The following ARHGEF17 variants were observed in gnomAD, a reference collection of about 807,000 sequenced individuals.
ARHGEF17 encodes the protein Rho guanine nucleotide exchange factor 17, also known as 164 kDa Rho-specific guanine-nucleotide exchange factor.
ARHGEF17 carries 80 observed loss-of-function variants against 174.0 expected under a neutral mutation model. The observed-to-expected ratio is 0.46, with a 90% confidence interval of 0.38 to 0.55. ARHGEF17 has a LOEUF of 0.55. ARHGEF17 is among the 20% of genes least tolerant of loss of function. The probability of loss-of-function intolerance (pLI) is 0.00; values close to 1 mark genes in which losing one functional copy is unlikely to be tolerated. For missense variants in ARHGEF17, 2,886 were observed against 2,839.7 expected (o/e 1.02, Z -0.37); for synonymous variants, 1,311 against 1,189.1 (o/e 1.10, Z -2.11).
rs755045520 is a variant in ARHGEF17, at chr11:73,310,892, G to A, written c.2254G>A (p.Gly752Arg). ...GGCTGCCACCTCTGAAGAGCCTACT[G>A]GGTTCTCTGTGGACAGCAACCTCCT... The part of the protein sequence containing the change: ...HRAATSEEPT[G>R]FSVDSNLLGS... The change falls in exon 1 of 21, where the codon GGG becomes AGG. Residue 752 changes from glycine (G) to arginine (R), a missense_variant. This residue lies in a region of ARHGEF17 where 1,728 missense variants were observed against 1,461.2 expected (regional missense o/e 1.18). Transcript: ENST00000263674. The A allele has an allele frequency of 6.2e-7, 1 of 1,613,284 alleles. No homozygotes were observed.
At position 73,365,761 on chromosome 11, in the gene ARHGEF17, G is replaced by A. The variant is rs1361560252; in HGVS notation, c.5809G>A (p.Gly1937Ser). The A allele has an allele frequency of 6.2e-7, 1 of 1,613,688 alleles. No individual in the cohort carries two copies. Among genetic ancestry groups the A allele is most frequent in the East Asian group, 2.2e-5 (1 of 44,894 alleles). The change falls in exon 20 of 21, where the codon GGC becomes AGC. Residue 1937 changes from glycine (G) to serine (S), a missense_variant. Gly to Ser is a moderately conservative substitution (Grantham distance 56). Around this residue, in one of 4 missense-constraint regions of ARHGEF17, gnomAD observed 329 missense variants for 435.2 expected, o/e 0.76. Coordinates refer to ENST00000263674, the MANE Select transcript of ARHGEF17 (RefSeq NM_014786.4). The surrounding 1 kb of genome is among the most constrained non-coding windows in gnomAD (Gnocchi z 4.9). ...GGTGTGTGAGGAGCTGCTGTGGGTG[G>A]GCACCAGTGCTGGTGTCGTCCTCAC... is the stretch of plus-strand genomic sequence containing the variant. ...LLVCEELLWV[G>S]TSAGVVLTMP...
intron 1 of ARHGEF17, among the ~76,000 whole-genome samples, chr11:73,322,958 C>T (rs1218243289): frequency 2.0e-5 from 3 of 152,000 alleles, no homozygotes; most frequent in Admixed American, 6.5e-5. Flanking sequence ...TCTGGGAATT[C>T]GAATTTAGGT....
chr11:73,311,936 C>T, intron 1 of ARHGEF17, 106 bp downstream of exon 1: 1 of 1,328,622 alleles, frequency 7.5e-7, no homozygotes. Context: ...TGCCCAGGTG[C>T]CAAGGGTGCT....
intron 9 of ARHGEF17, among the ~76,000 whole-genome samples, chr11:73,357,641 G>A (rs561867339): frequency 9.8e-5 from 15 of 152,332 alleles, no homozygotes; most frequent in South Asian, 4.1e-4. Context: ...TCATTTGAGC[G>A]CCTAATATTA....
intron 1 of ARHGEF17, among the ~76,000 whole-genome samples, chr11:73,332,409 A>G (rs7394905): frequency 0.027 from 1,556 of 58,396 alleles, 92 homozygotes; most frequent in East Asian, 0.19. Context: ...GTGTGTGTGT[A>G]TTTTAAATAA....
intron 1 of ARHGEF17, among the ~76,000 whole-genome samples, chr11:73,323,003 G>A (rs921843903): frequency 6.6e-6 from 1 of 152,122 alleles, no homozygotes; most frequent in African/African-American, 2.4e-5. Flanking sequence ...TTGGGGGAGC[G>A]GGACTCACTT....
intron 8 of ARHGEF17, 30 bp downstream of exon 8, chr11:73,357,164 G>T: frequency 1.2e-6 from 2 of 1,612,814 alleles, no homozygotes; most frequent in Non-Finnish European, 1.7e-6. Context: ...TTTGGGTGGT[G>T]CCAACAGGGG....
chr11:73,359,787 C>A (rs751693442), intron 9 of ARHGEF17, 47 bp from the exon 10 acceptor site: 1 of 1,472,004 alleles, frequency 6.8e-7, no homozygotes, highest in Non-Finnish European at 9.1e-7. Flanking sequence ...CCCAGCCTGA[C>A]CTTGTCTGTC....
chr11:73,332,350 CGTGTGTGTGTGT>C (rs58725771), intron 1 of ARHGEF17, among the ~76,000 whole-genome samples: 9,260 of 120,606 alleles, frequency 0.077, 344 homozygotes, highest in African/African-American at 0.086. Context: ...GCTTTTTCTC[CGTGTGTGTGTGT>C]GTGTGTGTGT....
intron 16 of ARHGEF17, 23 bp downstream of exon 16, chr11:73,363,856 C>T (rs1328850855): frequency 1.2e-6 from 2 of 1,609,318 alleles, no homozygotes; most frequent in East Asian, 2.2e-5. Flanking sequence ...GGTGGCCCTT[C>T]CTATCTAGAC....
Position 73,365,470 on chromosome 11 carries a change from G to T in ARHGEF17, c.5631G>T (p.Leu1877Phe). 1 of 1,614,052 alleles carries T rather than the reference G, an allele frequency of 6.2e-7. No homozygotes were observed. Among genetic ancestry groups the T allele is most frequent in the Non-Finnish European group, 8.5e-7 (1 of 1,180,026 alleles). ...VDSSLGVWVT[L>F]KGSAHVCLYH... ...CCAGCCTGGGTGTGTGGGTGACATTGAAAGGTAGTGCCCACGTGTGTCTCT... is the reference window on the plus strand; with the variant it reads ...CCAGCCTGGGTGTGTGGGTGACATTTAAAGGTAGTGCCCACGTGTGTCTCT... The change falls in exon 19 of 21, where the codon TTG becomes TTT. Residue 1877 changes from leucine to phenylalanine, a missense_variant. This residue lies in a region of ARHGEF17 where 329 missense variants were observed against 435.2 expected (regional missense o/e 0.76). Coordinates refer to ENST00000263674, the MANE Select transcript of ARHGEF17 (RefSeq NM_014786.4). The surrounding 1 kb of genome is among the most constrained non-coding windows in gnomAD (Gnocchi z 4.9).
At chr11:73,366,674 T>C (rs916409983) in intron 20 of ARHGEF17, among the ~76,000 whole-genome samples, 1 of 152,112 alleles carries the variant, frequency 6.6e-6, no homozygotes, top group African/African-American at 2.4e-5. Context: ...AAGTCGAGGC[T>C]GCAGTCAGCA....
Position 73,364,484 on chromosome 11 carries a change from G to A in ARHGEF17, c.5434G>A (p.Val1812Met), listed in dbSNP as rs750352675. The A allele has an allele frequency of 8.1e-6, 13 of 1,613,302 alleles. No individual in the cohort carries two copies. In the Admixed American group the frequency reaches 2.2e-4, roughly 27 times the overall value. The part of the protein sequence containing the change: ...HFWDPQNFKS[V>M]TLGTQGSPIT... ...CTGGGACCCCCAGAACTTCAAATCA[G>A]TGACCTTGGGCACCCAGGGGAGCCC... is the stretch of plus-strand genomic sequence containing the variant. The change falls in exon 18 of 21, where the codon GTG (valine) becomes ATG (methionine). Residue 1812 changes from valine to methionine, a missense_variant. Around this residue, in one of 4 missense-constraint regions of ARHGEF17, gnomAD observed 329 missense variants for 435.2 expected, o/e 0.76. Transcript: ENST00000263674.
intron 1 of ARHGEF17, among the ~76,000 whole-genome samples, chr11:73,314,386 T>A (rs1389173816): frequency 6.6e-6 from 1 of 152,032 alleles, no homozygotes; most frequent in Non-Finnish European, 1.5e-5. Context: ...GTGCTCTGTG[T>A]GGTGTTGCCC....
In ARHGEF17 at chr11:73,363,310, G is replaced by A; in HGVS notation, c.5101G>A (p.Gly1701Ser). ...LPLSGSFGPG[G>S]PCGTSPMDGR... is the part of the protein sequence containing the mutation. ...ACTGTCTGGCTCCTTTGGGCCTGGT[G>A]GTCCCTGCGGCACCAGCCCAATGGA... is the stretch of plus-strand genomic sequence containing the variant. The change falls in exon 15 of 21, where the codon GGT becomes AGT. Residue 1701 changes from glycine to serine, a missense_variant. By Grantham distance (56) the Gly-to-Ser change is moderately conservative (BLOSUM62 0). Coordinates refer to ENST00000263674, the MANE Select transcript of ARHGEF17 (RefSeq NM_014786.4). 1 of 1,612,698 alleles carries A rather than the reference G, an allele frequency of 6.2e-7. No homozygotes were observed. Among genetic ancestry groups the A allele is most frequent in the Non-Finnish European group, 8.5e-7 (1 of 1,179,732 alleles).
Position 73,308,715 on chromosome 11 carries a change from CCGG to C in ARHGEF17, c.78_80del (p.Gly27del). ...CTGCTGGAGCGCTGGAGCGGCGGCC[CCGG>C]GCTGAGGGAGGAGGACACGGACACC... On this transcript the variant is annotated inframe_deletion, in exon 1 of 21. Transcript: ENST00000263674. 1 of 1,514,786 alleles carries C rather than the reference CCGG, an allele frequency of 6.6e-7. No individual in the cohort carries two copies. The highest frequency in any genetic ancestry group is 8.8e-7 in the Non-Finnish European group (1 of 1,135,924). The allele number at this position is 1,514,786 out of a possible 1,614,324, so 93.8% of individuals were successfully genotyped here.
At position 73,367,815 on chromosome 11, in the gene ARHGEF17, C is replaced by T. The variant is rs1023459832; in HGVS notation, c.*35C>T. The T allele has an allele frequency of 1.3e-6, 2 of 1,578,176 alleles. No individual in the cohort carries two copies. The highest frequency in any genetic ancestry group is 3.5e-4 in the Middle Eastern group (2 of 5,764). On this transcript the variant is annotated 3_prime_UTR_variant, in exon 21 of 21. Transcript: ENST00000263674. ...CCGTGGCCCAGGACTCGCCCGCCCACCTGCCTTCAGCCTGCTTGCCTCTCC... is the reference window on the plus strand; with the variant it reads ...CCGTGGCCCAGGACTCGCCCGCCCATCTGCCTTCAGCCTGCTTGCCTCTCC...
chr11:73,350,405 A>G (rs1176664595), intron 2 of ARHGEF17, among the ~76,000 whole-genome samples: 1 of 152,212 alleles, frequency 6.6e-6, no homozygotes, highest in Non-Finnish European at 1.5e-5. Context: ...GTCCAAGGTC[A>G]CAGAGTTAGG....
chr11:73,356,299 G>A lies in ARHGEF17; in HGVS notation c.3788G>A (p.Arg1263His), dbSNP rs747501115. 3.2e-5 allele frequency: 52 copies of A among 1,613,210 alleles called. No individual in the cohort carries two copies. Among genetic ancestry groups the A allele is most frequent in the Non-Finnish European group, 4.2e-5 (49 of 1,180,024 alleles). ...GTGCGGAGTGCCGAGGAGGCGGAGCGCCATGCCCGTGTGCTGCAGGAGATA... is the reference window on the plus strand; with the variant it reads ...GTGCGGAGTGCCGAGGAGGCGGAGCACCATGCCCGTGTGCTGCAGGAGATA... ...KGVRSAEEAE[R>H]HARVLQEIEA... Residue 1263 changes from arginine (R) to histidine (H), a missense_variant, in exon 6 of 21, where the codon CGC becomes CAC. This residue lies in a region of ARHGEF17 where 353 missense variants were observed against 470.3 expected (regional missense o/e 0.75). Transcript: ENST00000263674.
Sources: gnomAD v4.1 joint callset for allele counts (sites outside exome capture counted in the v4.1 genomes callset) on GRCh38, gnomAD v4.1.1 for gene constraint, gnomAD v4.1.1 regional missense constraint, Gnocchi (gnomAD v3.1) non-coding constraint, MANE v1.5 for transcripts, NCBI Gene and HGNC (gene_info 2026-07-23, HGNC 2026-07-21) for gene names.